PAG1: variants seen among roughly 807,000 people sequenced by gnomAD.
PAG1 encodes phosphoprotein membrane anchor with glycosphingolipid microdomains 1.
A neutral mutation model predicts 31.7 loss-of-function variants in PAG1; 23 were observed. That is an observed-to-expected ratio of 0.73 (90% confidence interval 0.52 to 1.03). The LOEUF is 1.03. PAG1 is among the 50% of genes least tolerant of loss of function. The probability of loss-of-function intolerance (pLI) is 0.00; values close to 1 mark genes in which losing one functional copy is unlikely to be tolerated. For missense variants in PAG1, 473 were observed against 540.7 expected (o/e 0.87, Z 1.24); for synonymous variants, 214 against 210.3 (o/e 1.02, Z -0.15).
At chr8:81,037,683 T>C (rs1034076603) in intron 2 of PAG1, among the ~76,000 whole-genome samples, 3 of 152,224 alleles carry the variant, frequency 2.0e-5, no homozygotes, top group Admixed American at 6.5e-5. Flanking sequence ...AGCTTATAAA[T>C]TGATAGTAAA....
chr8:81,059,031 T>A (rs941587972), intron 2 of PAG1, among the ~76,000 whole-genome samples: 2 of 152,170 alleles, frequency 1.3e-5, no homozygotes, highest in Admixed American at 6.5e-5. Context: ...TCTGGGGGAC[T>A]GGTTCCAGAA....
chr8:80,998,041 C>T (rs1317761324), intron 3 of PAG1, among the ~76,000 whole-genome samples: 1 of 152,046 alleles, frequency 6.6e-6, no homozygotes, highest in African/African-American at 2.4e-5. Flanking sequence ...TACTCTCTTA[C>T]CCTTTTATAT....
chr8:81,109,626 A>G (rs1282072663), intron 1 of PAG1, among the ~76,000 whole-genome samples: 1 of 152,242 alleles, frequency 6.6e-6, no homozygotes, highest in Non-Finnish European at 1.5e-5. Flanking sequence ...GCAGCAATTC[A>G]ATGTCCATAG....
chr8:80,981,426 C>A (rs1318214101), intron 7 of PAG1, among the ~76,000 whole-genome samples: 3 of 152,038 alleles, frequency 2.0e-5, no homozygotes, highest in Non-Finnish European at 4.4e-5. Context: ...TCCGTATCAT[C>A]CGATGCTTCC....
intron 2 of PAG1, chr8:81,037,238 C>G (rs1342799796): frequency 1.3e-5 from 2 of 152,130 alleles, no homozygotes; most frequent in East Asian, 3.9e-4. Context: ...AACGATGTAT[C>G]CTTATACTAT....
chr8:80,978,545 A>G (rs897053954), intron 8 of PAG1, among the ~76,000 whole-genome samples: 4 of 152,168 alleles, frequency 2.6e-5, no homozygotes, highest in Admixed American at 1.3e-4. Flanking sequence ...GATTGTAACA[A>G]TGAGAGTCAG....
At position 80,971,841 on chromosome 8, in the gene PAG1, A is replaced by G. The variant is rs987629306; in HGVS notation, c.*4703T>C. 6.6e-6 allele frequency: 1 copy of G among 152,110 alleles called. No homozygotes were observed. Among genetic ancestry groups the G allele is most frequent in the Admixed American group, 6.5e-5 (1 of 15,278 alleles). The allele number at this position is 152,110 out of a possible 1,614,324, so 9.4% of individuals were successfully genotyped here. ...CAGACCTAAAAATGAGCAGTAGGATAAAAAAAACCATGAATGTTTGTTCTC... is the reference window on the plus strand; with the variant it reads ...CAGACCTAAAAATGAGCAGTAGGATGAAAAAAACCATGAATGTTTGTTCTC... On this transcript the variant is annotated 3_prime_UTR_variant, in exon 9 of 9. Coordinates refer to ENST00000220597, the MANE Select transcript of PAG1 (RefSeq NM_018440.4).
intron 1 of PAG1, among the ~76,000 whole-genome samples, chr8:81,095,541 T>C (rs1809515509): frequency 6.6e-6 from 1 of 152,190 alleles, no homozygotes. Context: ...TAAATGTCTC[T>C]TCCTCAGGGG....
At chr8:80,989,585 G>A (rs1315059243) in intron 5 of PAG1, among the ~76,000 whole-genome samples, 1 of 152,112 alleles carries the variant, frequency 6.6e-6, no homozygotes, top group African/African-American at 2.4e-5. Context: ...CTATGGGTTG[G>A]GGCAATAATG....
intron 2 of PAG1, among the ~76,000 whole-genome samples, chr8:81,055,837 T>C (rs943463275): frequency 6.6e-6 from 1 of 152,254 alleles, no homozygotes; most frequent in Non-Finnish European, 1.5e-5. Context: ...AAATTGCTTA[T>C]CAGCTAAAGG....
At chr8:81,091,853 C>T (rs902712523) in intron 1 of PAG1, among the ~76,000 whole-genome samples, 1 of 151,674 alleles carries the variant, frequency 6.6e-6, no homozygotes, top group African/African-American at 2.4e-5. Flanking sequence ...GAAAAAAAAA[C>T]ACCCTGTCCA....
intron 1 of PAG1, among the ~76,000 whole-genome samples, chr8:81,101,949 G>A (rs1809616518): frequency 6.6e-6 from 1 of 152,036 alleles, no homozygotes; most frequent in Non-Finnish European, 1.5e-5. Flanking sequence ...CTCATAGAAA[G>A]ATGAGTACGA....
chr8:80,969,093 T>TAA lies in PAG1; in HGVS notation c.*7450_*7451insTT, dbSNP rs1807023585. The TAA allele has an allele frequency of 1.3e-5, 2 of 152,238 alleles. No individual in the cohort carries two copies. Among genetic ancestry groups the TAA allele is most frequent in the Non-Finnish European group, 2.9e-5 (2 of 68,048 alleles). 9.4% of individuals were successfully genotyped at this position (152,238 alleles called of 1,614,324 possible). On this transcript the variant is annotated 3_prime_UTR_variant, in exon 9 of 9. Transcript: ENST00000220597. ...CGTAAGGTTCAGCTTTCCTGATGCT[T>TAA]TTCACATTGCTTCTCCTCAAGACAT...
chr8:81,071,755 CAG>C (rs1809097195), intron 1 of PAG1, among the ~76,000 whole-genome samples: 1 of 152,166 alleles, frequency 6.6e-6, no homozygotes, highest in Non-Finnish European at 1.5e-5. Context: ...TAGCACAATA[CAG>C]AGAGACGCAA....
intron 2 of PAG1, among the ~76,000 whole-genome samples, chr8:81,061,766 G>T (rs1414082230): frequency 2.6e-5 from 4 of 152,166 alleles, no homozygotes; most frequent in Non-Finnish European, 4.4e-5. Flanking sequence ...ACGTAAAAAA[G>T]GAAAGGTGAG....
intron 7 of PAG1, among the ~76,000 whole-genome samples, chr8:80,981,129 GT>G (rs1040247974): frequency 6.6e-6 from 1 of 151,532 alleles, no homozygotes; most frequent in Non-Finnish European, 1.5e-5. Context: ...CCCTCTCCAT[GT>G]CCACCCCCGG....
chr8:81,037,844 A>T (rs1387402385), intron 2 of PAG1, among the ~76,000 whole-genome samples: 6 of 152,268 alleles, frequency 3.9e-5, no homozygotes, highest in African/African-American at 1.4e-4. Context: ...CAATGAACAA[A>T]AAGTAAATAT....
At chr8:80,987,500 T>A (rs1807449824) in intron 5 of PAG1, 34 bp from the exon 6 acceptor site, 3 of 1,421,522 alleles carry the variant, frequency 2.1e-6, no homozygotes, top group Non-Finnish European at 3.0e-6. Context: ...AACAAATGCA[T>A]CACATTGCTA....
At chr8:81,085,972 G>GTGTTTTTTT (rs1809345255) in intron 1 of PAG1, among the ~76,000 whole-genome samples, 4 of 58,876 alleles carry the variant, frequency 6.8e-5, no homozygotes, top group African/African-American at 2.9e-4. Flanking sequence ...AATCTGGCTT[G>GTGTTTTTTT]TTTTTTTTTT....
Sources: gnomAD v4.1 joint callset for allele counts (sites outside exome capture counted in the v4.1 genomes callset) on GRCh38, gnomAD v4.1.1 for gene constraint, MANE v1.5 for transcripts, NCBI Gene and HGNC (gene_info 2026-07-23, HGNC 2026-07-21) for gene names.